FPR1: variants seen among roughly 807,000 people sequenced by gnomAD.
FPR1 encodes the protein formyl peptide receptor 1, also known as N-formyl peptide receptor 1.
For missense variants in FPR1, 407 were observed against 453.0 expected (o/e 0.90, Z 0.92); for synonymous variants, 193 against 176.7 (o/e 1.09, Z -0.73).
At chr19:51,747,182 T>A (rs540779585) in intron 1 of FPR1, among the ~76,000 whole-genome samples, 177 bp from the exon 2 acceptor site, 1 of 151,724 alleles carries the variant, frequency 6.6e-6, no homozygotes, top group South Asian at 2.1e-4. Context: ...CATCTATACA[T>A]TGGCAATCTT....
intron 1 of FPR1, among the ~76,000 whole-genome samples, chr19:51,749,686 G>T (rs906185964): frequency 6.6e-6 from 1 of 151,592 alleles, no homozygotes; most frequent in African/African-American, 2.4e-5. Flanking sequence ...TTTTGAGATG[G>T]AGTCTCTCTC....
In FPR1 at chr19:51,746,207, A is replaced by C. The variant is rs201541948; in HGVS notation, c.788T>G (p.Ile263Arg). The change falls in exon 2 of 2, where the codon ATA becomes AGA. Residue 263 changes from isoleucine to arginine, a missense_variant. By Grantham distance (97) the Ile-to-Arg change is moderately conservative. Transcript: ENST00000304748. This position sits in a 1 kb window ranked among gnomAD's most constrained non-coding sequence, Gnocchi z 4.3. ...CWSPYQVVAL[I>R]ATVRIRELLQ... ...TAACTCACGGATTCTGACTGTGGCT[A>C]TAAGGGCCACCACCTGATATGGGGA... 4 of 1,614,162 alleles carry C rather than the reference A, an allele frequency of 2.5e-6. No homozygotes were observed. In the South Asian group the frequency reaches 4.4e-5, roughly 18 times the overall value.
In FPR1 at chr19:51,746,546, C is replaced by T. The variant is rs1319489312; in HGVS notation, c.449G>A (p.Trp150Ter). Residue 150 changes from tryptophan to a stop codon, truncating the protein, a stop_gained, in exon 2 of 2, where the codon TGG becomes TAG. Transcript: ENST00000304748. LOFTEE classifies it low-confidence loss of function (END_TRUNC). This position sits in a 1 kb window ranked among gnomAD's most constrained non-coding sequence, Gnocchi z 4.3. ...SLAKKVIIGP[W>*]VMALLLTLPV... ...CAATGTGAGGAGCAGAGCCATCACCCAGGGCCCAATGATCACCTTCTTGGC... is the reference window on the plus strand; with the variant it reads ...CAATGTGAGGAGCAGAGCCATCACCTAGGGCCCAATGATCACCTTCTTGGC... The T allele has an allele frequency of 6.2e-7, 1 of 1,614,168 alleles. No homozygotes were observed. Among genetic ancestry groups the T allele is most frequent in the African/African-American group, 1.3e-5 (1 of 75,042 alleles).
At position 51,746,019 on chromosome 19, in the gene FPR1, C is replaced by T. The variant is rs551338523; in HGVS notation, c.976G>A (p.Glu326Lys). ...LPASLERALT[E>K]DSTQTSDTAT... ...GTGTCACTGGTTTGGGTTGAGTCCT[C>T]GGTCAGGGCCCTCTCCAGACTGGCG... The change falls in exon 2 of 2, where the codon GAG becomes AAG. Residue 326 changes from glutamate to lysine, a missense_variant. By Grantham distance (56) the Glu-to-Lys change is moderately conservative (BLOSUM62 1). Coordinates refer to ENST00000304748, the MANE Select transcript of FPR1 (RefSeq NM_002029.4). This position sits in a 1 kb window ranked among gnomAD's most constrained non-coding sequence, Gnocchi z 4.3. 12 of 1,614,150 alleles carry T rather than the reference C, an allele frequency of 7.4e-6. No individual in the cohort carries two copies. The highest frequency in any genetic ancestry group is 4.4e-5 in the South Asian group (4 of 91,080).
intron 1 of FPR1, among the ~76,000 whole-genome samples, chr19:51,749,726 A>T (rs1166977490): frequency 1.3e-5 from 2 of 151,776 alleles, no homozygotes; most frequent in Non-Finnish European, 2.9e-5. Flanking sequence ...CAGTGGCGTG[A>T]TCTGAGCTCA....
intron 1 of FPR1, among the ~76,000 whole-genome samples, chr19:51,751,054 C>T (rs946655634): frequency 1.3e-5 from 2 of 152,174 alleles, no homozygotes; most frequent in Admixed American, 1.3e-4. Flanking sequence ...CGTTAGGGCT[C>T]TTTTGCTTTC....
At chr19:51,749,070 C>T (rs2083765477) in intron 1 of FPR1, among the ~76,000 whole-genome samples, 1 of 152,036 alleles carries the variant, frequency 6.6e-6, no homozygotes, top group Non-Finnish European at 1.5e-5. Context: ...CAAAAATTAG[C>T]CAGGCATGGC....
rs749737014 is a variant in FPR1, at chr19:51,746,664, C to T, written c.331G>A (p.Gly111Arg). The change falls in exon 2 of 2, where the codon GGA (glycine) becomes AGA (arginine). Residue 111 changes from glycine (G) to arginine (R), a missense_variant. By Grantham distance (125) the Gly-to-Arg change is moderately radical. Coordinates refer to ENST00000304748, the MANE Select transcript of FPR1 (RefSeq NM_002029.4). This position sits in a 1 kb window ranked among gnomAD's most constrained non-coding sequence, Gnocchi z 4.3. ...VFTIVDINLF[G>R]SVFLIALIAL... ...ATGAGGGCGATCAGGAAGACACTTCCGAACAAGTTGATGTCCACTATGGTA... is the reference window on the plus strand; with the variant it reads ...ATGAGGGCGATCAGGAAGACACTTCTGAACAAGTTGATGTCCACTATGGTA... 16 of 1,614,000 alleles carry T rather than the reference C, an allele frequency of 9.9e-6. No individual in the cohort carries two copies. The highest frequency in any genetic ancestry group is 6.6e-5 in the South Asian group (6 of 91,078).
intron 1 of FPR1, among the ~76,000 whole-genome samples, chr19:51,751,019 A>G (rs1360897856): frequency 1.3e-5 from 2 of 152,034 alleles, no homozygotes; most frequent in African/African-American, 4.8e-5. Context: ...TATTACACTC[A>G]TTTCCCCATG....
chr19:51,750,299 A>G (rs2083772676), intron 1 of FPR1: 1 of 152,230 alleles, frequency 6.6e-6, no homozygotes, highest in South Asian at 2.1e-4. Context: ...TTAGTATGAA[A>G]AAAATATTGT....
chr19:51,746,483 G>A lies in FPR1; in HGVS notation c.512C>T (p.Thr171Met), dbSNP rs201110935. The change falls in exon 2 of 2, where the codon ACG becomes ATG. Residue 171 changes from threonine (T) to methionine (M), a missense_variant. Thr to Met is a moderately conservative substitution (Grantham distance 81). Transcript: ENST00000304748. This position sits in a 1 kb window ranked among gnomAD's most constrained non-coding sequence, Gnocchi z 4.3. ...GTTAAAAGTGCAGGCTACTGTCCCC[G>A]TTTTACCAGGTACTGTAGTCACACG... Reference protein sequence around the residue: ...IIRVTTVPGKTGTVACTFNFS... With the variant: ...IIRVTTVPGKMGTVACTFNFS... 6.4e-5 allele frequency: 103 copies of A among 1,614,130 alleles called. No individual in the cohort carries two copies. Among genetic ancestry groups the A allele is most frequent in the Admixed American group, 1.0e-4 (6 of 60,010 alleles).
At position 51,746,622 on chromosome 19, in the gene FPR1, C is replaced by G; in HGVS notation, c.373G>C (p.Val125Leu). The part of the protein sequence containing the change: ...LIALIALDRC[V>L]CVLHPVWTQN... The stretch of plus-strand genomic sequence containing the variant: ...GTCCAGACTGGATGCAGGACGCAAA[C>G]ACAGCGGTCCAGAGCAATGAGGGCG... The change falls in exon 2 of 2, where the codon GTT (valine) becomes CTT (leucine). Residue 125 changes from valine (V) to leucine (L), a missense_variant. Coordinates refer to ENST00000304748, the MANE Select transcript of FPR1 (RefSeq NM_002029.4). The surrounding 1 kb of genome is among the most constrained non-coding windows in gnomAD (Gnocchi z 4.3). 6.2e-7 allele frequency: 1 copy of G among 1,614,154 alleles called. No homozygotes were observed. Among genetic ancestry groups the G allele is most frequent in the Non-Finnish European group, 8.5e-7 (1 of 1,180,018 alleles).
chr19:51,746,958 C>T lies in FPR1; in HGVS notation c.37G>A (p.Gly13Arg). 1 of 1,613,834 alleles carries T rather than the reference C, an allele frequency of 6.2e-7. No homozygotes were observed. Among genetic ancestry groups the T allele is most frequent in the Non-Finnish European group, 8.5e-7 (1 of 1,179,772 alleles). ...CCAGCAGATACAGCAGGTGTCCCTC[C>T]AGAGATGTTCGTGGGGAGAGAGGAA... ...TNSSLPTNIS[G>R]GTPAVSAGYL... The change falls in exon 2 of 2, where the codon GGA (glycine) becomes AGA (arginine). Residue 13 changes from glycine to arginine, a missense_variant. Physicochemically the swap from Gly to Arg is moderately radical, Grantham distance 125 (BLOSUM62 -2). Transcript: ENST00000304748. This position sits in a 1 kb window ranked among gnomAD's most constrained non-coding sequence, Gnocchi z 4.3.
intron 1 of FPR1, among the ~76,000 whole-genome samples, chr19:51,749,902 C>T (rs1208965374): frequency 6.6e-6 from 1 of 152,114 alleles, no homozygotes; most frequent in Non-Finnish European, 1.5e-5. Flanking sequence ...AACTCTTGAG[C>T]TCAGGCAGTC....
intron 1 of FPR1, among the ~76,000 whole-genome samples, chr19:51,749,437 C>T (rs1002827776): frequency 6.6e-6 from 1 of 152,080 alleles, no homozygotes; most frequent in African/African-American, 2.4e-5. Context: ...GAACAACAGA[C>T]TCTGTTTCCA....
chr19:51,746,647 G>T lies in FPR1; in HGVS notation c.348C>A (p.Ile116=). The change falls in exon 2 of 2, where the codon ATC becomes ATA. Residue 116 remains isoleucine (I), a synonymous_variant. Transcript: ENST00000304748. This position sits in a 1 kb window ranked among gnomAD's most constrained non-coding sequence, Gnocchi z 4.3. The part of the protein sequence containing the change: ...DINLFGSVFL[I]ALIALDRCVC... ...CACAGCGGTCCAGAGCAATGAGGGC[G>T]ATCAGGAAGACACTTCCGAACAAGT... 6.2e-7 allele frequency: 1 copy of T among 1,614,018 alleles called. No individual in the cohort carries two copies. The highest frequency in any genetic ancestry group is 8.5e-7 in the Non-Finnish European group (1 of 1,180,028).
chr19:51,749,833 TC>T (rs1232337994), intron 1 of FPR1, among the ~76,000 whole-genome samples: 2 of 152,004 alleles, frequency 1.3e-5, no homozygotes, highest in Non-Finnish European at 2.9e-5. Flanking sequence ...GGCTAATTTT[TC>T]TTTTTAATTG....
rs542658365 is a variant in FPR1, at chr19:51,746,328, G to A, written c.667C>T (p.Leu223Phe). 1.2e-6 allele frequency: 2 copies of A among 1,612,966 alleles called. No individual in the cohort carries two copies. Among genetic ancestry groups the A allele is most frequent in the Non-Finnish European group, 1.7e-6 (2 of 1,179,654 alleles). The change falls in exon 2 of 2, where the codon CTT becomes TTT. Residue 223 changes from leucine to phenylalanine, a missense_variant. Leu to Phe is a conservative substitution (Grantham distance 22). Transcript: ENST00000304748. This position sits in a 1 kb window ranked among gnomAD's most constrained non-coding sequence, Gnocchi z 4.3. ...TGCTTGTGGATCTTGGTGGCAATAA[G>A]CCCATAACTGACAGCAACGATGGAC... ...PMSIVAVSYG[L>F]IATKIHKQGL...
At chr19:51,748,309 G>T (rs1208352619) in intron 1 of FPR1, among the ~76,000 whole-genome samples, 1 of 152,214 alleles carries the variant, frequency 6.6e-6, no homozygotes, top group Non-Finnish European at 1.5e-5. Flanking sequence ...GATTGCCAGG[G>T]ACTGGGGAAA....
Sources: gnomAD v4.1 joint callset for allele counts (sites outside exome capture counted in the v4.1 genomes callset) on GRCh38, gnomAD v4.1.1 for gene constraint, Gnocchi (gnomAD v3.1) non-coding constraint, MANE v1.5 for transcripts, NCBI Gene and HGNC (gene_info 2026-07-23, HGNC 2026-07-21) for gene names.